The following RAB6B variants were observed in gnomAD, a reference collection of about 807,000 sequenced individuals.
The protein encoded by RAB6B is ras-related protein Rab-6B.
Under a neutral mutation model 31.2 loss-of-function variants are expected in RAB6B, and 7 were observed. That is an observed-to-expected ratio of 0.22 (90% confidence interval 0.13 to 0.42). The LOEUF is 0.42. Ranked by LOEUF, RAB6B falls within the 10% of genes least tolerant of loss-of-function variation. The pLI is 1.00. For synonymous variants in RAB6B, 105 were observed against 104.9 expected (o/e 1.00, Z -0.01); for missense variants, 149 against 280.6 (o/e 0.53, Z 3.35).
At chr3:133,885,830 G>C (rs1478258678) in intron 1 of RAB6B, among the ~76,000 whole-genome samples, 1 of 152,162 alleles carries the variant, frequency 6.6e-6, no homozygotes. Context: ...ATCTGCAGTG[G>C]AGCTGAGCTT....
At chr3:133,857,423 A>AG (rs1274135236) in intron 2 of RAB6B, among the ~76,000 whole-genome samples, 4 of 105,150 alleles carry the variant, frequency 3.8e-5, no homozygotes, top group Non-Finnish European at 6.1e-5. Context: ...CTCTTTTTGA[A>AG]GGGAAAAAAA....
At chr3:133,847,383 G>C (rs562058692) in intron 2 of RAB6B, among the ~76,000 whole-genome samples, 1 of 152,322 alleles carries the variant, frequency 6.6e-6, no homozygotes, top group African/African-American at 2.4e-5. Flanking sequence ...TATTTCTCCT[G>C]TTTAAAGAAA....
intron 1 of RAB6B, 40 bp downstream of exon 1, chr3:133,895,357 C>A: frequency 1.3e-6 from 2 of 1,594,832 alleles, no homozygotes; most frequent in Non-Finnish European, 1.7e-6. Flanking sequence ...CGGCGGGGGT[C>A]GACTCGGCGA....
At position 133,827,968 on chromosome 3, in the gene RAB6B, T is replaced by C. The variant is rs1481246946; in HGVS notation, c.*820A>G. On this transcript the variant is annotated 3_prime_UTR_variant, in exon 8 of 8. Transcript: ENST00000285208. The stretch of plus-strand genomic sequence containing the variant: ...GTCTATAAACCACGCACCACGCAGC[T>C]GCAATTGCCAACAGCACCTCGTCCT... 6 of 702,808 alleles carry C rather than the reference T, an allele frequency of 8.5e-6. No individual in the cohort carries two copies. The highest frequency in any genetic ancestry group is 1.6e-5 in the Non-Finnish European group (6 of 384,958). The allele number at this position is 702,808 out of a possible 1,614,324, so 43.5% of individuals were successfully genotyped here.
intron 4 of RAB6B, among the ~76,000 whole-genome samples, chr3:133,839,876 C>T (rs1303942271): frequency 6.6e-6 from 1 of 152,196 alleles, no homozygotes; most frequent in African/African-American, 2.4e-5. Flanking sequence ...TCTGGAAGAT[C>T]ACAGTGTCAT....
chr3:133,846,404 A>G (rs1304968786), intron 2 of RAB6B, among the ~76,000 whole-genome samples: 8 of 152,164 alleles, frequency 5.3e-5, no homozygotes, highest in African/African-American at 1.9e-4. Flanking sequence ...CTGAGATCGC[A>G]CCACTGCACT....
At chr3:133,834,717 A>C in intron 6 of RAB6B, 76 bp from the exon 7 acceptor site, 2 of 1,364,808 alleles carry the variant, frequency 1.5e-6, no homozygotes, top group Non-Finnish European at 1.0e-6. Context: ...CTGCACCCTC[A>C]CCCCTCTTCC....
chr3:133,846,482 C>A (rs763591799), intron 2 of RAB6B, among the ~76,000 whole-genome samples: 1 of 152,090 alleles, frequency 6.6e-6, no homozygotes, highest in African/African-American at 2.4e-5. Flanking sequence ...CAATTAGAGT[C>A]TCAGGACAGT....
chr3:133,838,247 G>T lies in RAB6B; in HGVS notation c.414C>A (p.Ile138=), dbSNP rs751717977. 1.2e-6 allele frequency: 2 copies of T among 1,613,780 alleles called. No individual in the cohort carries two copies. The highest frequency in any genetic ancestry group is 3.3e-5 in the Admixed American group (2 of 60,000). ...CTTTGGCGCGCTGCTCCCCCTCCTC[G>T]ATGGTTATCTGCCTAGAGATGAGGG... ...TDLADKRQIT[I]EEGEQRAKEL... Residue 138 remains isoleucine (I), a synonymous_variant, in exon 6 of 8, where the codon ATC becomes ATA. Coordinates refer to ENST00000285208, the MANE Select transcript of RAB6B (RefSeq NM_016577.4).
chr3:133,833,639 G>T (rs548900906), intron 7 of RAB6B, among the ~76,000 whole-genome samples: 1 of 152,292 alleles, frequency 6.6e-6, no homozygotes, highest in Admixed American at 6.5e-5. Context: ...CAGCCCAAAG[G>T]TGCCCTTCCA....
chr3:133,894,383 G>A (rs940666798), intron 1 of RAB6B: 2 of 152,314 alleles, frequency 1.3e-5, no homozygotes, highest in Non-Finnish European at 2.9e-5. Flanking sequence ...CCCGCCTCTA[G>A]GGACTAACCT....
At chr3:133,866,853 A>C (rs892315596) in intron 1 of RAB6B, among the ~76,000 whole-genome samples, 4 of 152,236 alleles carry the variant, frequency 2.6e-5, no homozygotes, top group African/African-American at 9.6e-5. Context: ...TTGGGAAGAG[A>C]GGCATCCCAG....
intron 1 of RAB6B, among the ~76,000 whole-genome samples, chr3:133,890,079 A>G (rs145567842): frequency 1.8e-3 from 275 of 152,294 alleles, no homozygotes; most frequent in African/African-American, 6.1e-3. Context: ...CACTGAGGAA[A>G]GGAGAAAAAT....
At chr3:133,844,459 C>T (rs868027946) in intron 2 of RAB6B, among the ~76,000 whole-genome samples, 13 of 152,214 alleles carry the variant, frequency 8.5e-5, no homozygotes, top group African/African-American at 2.7e-4. Flanking sequence ...GTGGAGATGG[C>T]GCCAAAGCAT....
chr3:133,840,467 GGTGTGGA>G (rs1935809628), intron 4 of RAB6B, among the ~76,000 whole-genome samples: 1 of 152,222 alleles, frequency 6.6e-6, no homozygotes, highest in East Asian at 1.9e-4. Context: ...CCTGCACTCA[GGTGTGGA>G]GGGGGCCTGT....
At chr3:133,836,133 G>A (rs754725204) in intron 6 of RAB6B, among the ~76,000 whole-genome samples, 1 of 152,208 alleles carries the variant, frequency 6.6e-6, no homozygotes, top group Non-Finnish European at 1.5e-5. Flanking sequence ...CGGGCTGGGT[G>A]ACAGGGCTAA....
At chr3:133,838,499 A>C (rs1434461682) in intron 5 of RAB6B, among the ~76,000 whole-genome samples, 2 of 152,184 alleles carry the variant, frequency 1.3e-5, no homozygotes, top group Non-Finnish European at 2.9e-5. Context: ...GTGTCTTCTC[A>C]GCTTCAAAGC....
intron 1 of RAB6B, among the ~76,000 whole-genome samples, chr3:133,887,795 C>T (rs1004972636): frequency 1.3e-5 from 2 of 152,154 alleles, no homozygotes; most frequent in East Asian, 3.9e-4. Flanking sequence ...GGGAACCAGC[C>T]ATTTAGTTTA....
At chr3:133,838,644 A>G (rs1935777672) in intron 5 of RAB6B, among the ~76,000 whole-genome samples, 1 of 152,204 alleles carries the variant, frequency 6.6e-6, no homozygotes, top group Non-Finnish European at 1.5e-5. Flanking sequence ...CTGTGAGAAC[A>G]CTAATGCTAA....
Sources: allele counts gnomAD v4.1 joint callset (sites outside exome capture counted in the v4.1 genomes callset), GRCh38; gene constraint gnomAD v4.1.1; transcripts MANE v1.5; gene names NCBI Gene and HGNC (gene_info 2026-07-23, HGNC 2026-07-21).